Variants in FMN2 observed in about 807,000 individuals in gnomAD.
The protein encoded by FMN2 is formin 2.
Under a neutral mutation model 142.3 loss-of-function variants are expected in FMN2, and 51 were observed. The ratio of observed to expected loss-of-function variants is 0.36; its 90% CI spans 0.29 to 0.45. The LOEUF (loss-of-function observed/expected upper bound fraction) is 0.45. Ranked by LOEUF, FMN2 falls within the 20% of genes least tolerant of loss-of-function variation. The pLI, the probability that FMN2 is intolerant of heterozygous loss-of-function variation, is 1.00. For synonymous variants in FMN2, 882 were observed against 869.8 expected (o/e 1.01, Z -0.25); for missense variants, 1,936 against 2,122.8 (o/e 0.91, Z 1.73).
chr1:240,207,186 A>G lies in FMN2; in HGVS notation c.2374A>G (p.Arg792Gly), dbSNP rs768505363. Reference sequence around the variant, plus strand: ...AGAGATTTCTTTGATTGTGTCTCCAAGGCGAATATCAGTCCAGCTCGACAG... The same window carrying G: ...AGAGATTTCTTTGATTGTGTCTCCAGGGCGAATATCAGTCCAGCTCGACAG... ...CSEISLIVSPRRISVQLDSHQ... is the reference protein window; with the variant it reads ...CSEISLIVSPGRISVQLDSHQ... The change falls in exon 5 of 18, where the codon AGG becomes GGG. Residue 792 changes from arginine (R) to glycine (G), a missense_variant. Arg to Gly is a moderately radical substitution (Grantham distance 125). Coordinates refer to ENST00000319653, the MANE Select transcript of FMN2 (RefSeq NM_020066.5). The G allele has an allele frequency of 6.2e-7, 1 of 1,614,014 alleles. No homozygotes were observed. Among genetic ancestry groups the G allele is most frequent in the Non-Finnish European group, 8.5e-7 (1 of 1,179,948 alleles).
intron 14 of FMN2, among the ~76,000 whole-genome samples, chr1:240,363,977 G>C (rs751153338): frequency 6.6e-6 from 1 of 151,856 alleles, no homozygotes; most frequent in Admixed American, 6.6e-5. Context: ...GTAAATTTCT[G>C]GTGCACTAGT....
At chr1:240,368,099 A>C (rs959030672) in intron 14 of FMN2, among the ~76,000 whole-genome samples, 8 of 152,126 alleles carry the variant, frequency 5.3e-5, no homozygotes, top group African/African-American at 1.9e-4. Flanking sequence ...TATTTCCATT[A>C]TTTATCCTTA....
At chr1:240,354,302 G>C (rs1372915073) in intron 13 of FMN2, among the ~76,000 whole-genome samples, 1 of 152,152 alleles carries the variant, frequency 6.6e-6, no homozygotes, top group South Asian at 2.1e-4. Context: ...CTGAAGAATG[G>C]AGGCAAAAAC....
chr1:240,210,979 C>G, intron 5 of FMN2, 112 bp from the exon 6 acceptor site: 2 of 885,518 alleles, frequency 2.3e-6, no homozygotes, highest in Non-Finnish European at 3.3e-6. Flanking sequence ...CTTCTTTTTC[C>G]CTCCTTCCCT....
At chr1:240,358,511 T>A (rs1179018764) in intron 14 of FMN2, among the ~76,000 whole-genome samples, 1 of 152,176 alleles carries the variant, frequency 6.6e-6, no homozygotes, top group Admixed American at 6.5e-5. Context: ...GGGTAATTTA[T>A]AAAGAAAAGA....
intron 14 of FMN2, among the ~76,000 whole-genome samples, chr1:240,359,802 C>T (rs1672399673): frequency 6.6e-6 from 1 of 152,182 alleles, no homozygotes; most frequent in South Asian, 2.1e-4. Flanking sequence ...TGACGGCCAC[C>T]TGGCTTTATA....
At chr1:240,339,558 T>C (rs936107593) in intron 13 of FMN2, among the ~76,000 whole-genome samples, 18 of 152,102 alleles carry the variant, frequency 1.2e-4, no homozygotes, top group Admixed American at 2.6e-4. Flanking sequence ...AAAATATACA[T>C]ACAAAATTTA....
chr1:240,220,671 G>T (rs957319154), intron 6 of FMN2, among the ~76,000 whole-genome samples: 1 of 148,284 alleles, frequency 6.7e-6, no homozygotes, highest in African/African-American at 2.5e-5. Flanking sequence ...CTGTGTTTGT[G>T]TGTGTGTGTG....
chr1:240,132,544 G>A (rs1662781865), intron 2 of FMN2, among the ~76,000 whole-genome samples: 1 of 152,164 alleles, frequency 6.6e-6, no homozygotes, highest in African/African-American at 2.4e-5. Flanking sequence ...AGCTCAGGGT[G>A]TTGGCTGGGA....
Position 240,311,882 on chromosome 1 carries a change from G to A in FMN2, c.4215+16999G>A, listed in dbSNP as rs374500342. Among the ~76,000 whole-genome samples the A allele has an allele frequency of 2.8e-4, 43 of 152,342 alleles. No homozygotes were observed. The East Asian group carries it at 6.0e-3, about 21-fold the overall frequency. On this transcript the variant is annotated intron_variant, in intron 8 of 17. Transcript: ENST00000319653. ...GCTCTCTTGGCCAGGCTGGAGTGCA[G>A]TGGTGTGATCATAGCTCACTACAGC...
chr1:240,397,721 C>A (rs558453153), intron 15 of FMN2, among the ~76,000 whole-genome samples: 1 of 128,758 alleles, frequency 7.8e-6, no homozygotes, highest in Non-Finnish European at 1.6e-5. Flanking sequence ...ACCTGGGAGG[C>A]GGAGGTTGCA....
chr1:240,340,247 C>T (rs1671702057), intron 13 of FMN2, among the ~76,000 whole-genome samples: 1 of 152,088 alleles, frequency 6.6e-6, no homozygotes, highest in Non-Finnish European at 1.5e-5. Context: ...CTCCCCCCTC[C>T]ACATTTGATG....
intron 6 of FMN2, among the ~76,000 whole-genome samples, chr1:240,240,137 C>T (rs1667842936): frequency 6.6e-6 from 1 of 152,084 alleles, no homozygotes; most frequent in South Asian, 2.1e-4. Context: ...AATGAGGCAT[C>T]GTGTGTCTCA....
intron 7 of FMN2, among the ~76,000 whole-genome samples, chr1:240,278,777 G>A (rs1028675647): frequency 3.3e-5 from 5 of 152,228 alleles, no homozygotes; most frequent in African/African-American, 1.2e-4. Context: ...ATCTTTATAT[G>A]TATAAGTTGT....
chr1:240,417,372 A>G (rs1177842040), intron 15 of FMN2, among the ~76,000 whole-genome samples: 1 of 151,746 alleles, frequency 6.6e-6, no homozygotes, highest in African/African-American at 2.4e-5. Flanking sequence ...GTGCCATTCA[A>G]CTGAGGACAC....
chr1:240,450,834 A>G (rs1676010857), intron 16 of FMN2, among the ~76,000 whole-genome samples: 1 of 152,206 alleles, frequency 6.6e-6, no homozygotes, highest in Admixed American at 6.5e-5. Context: ...ATCCTGAAAG[A>G]TGCCACTTCT....
At chr1:240,245,130 C>T (rs1668035717) in intron 6 of FMN2, 2 of 202,556 alleles carry the variant, frequency 9.9e-6, no homozygotes, top group South Asian at 1.6e-4. Flanking sequence ...GTGGGAAGTA[C>T]AGGGATGTTC....
At position 240,199,099 on chromosome 1, in the gene FMN2, C is replaced by T. The variant is rs543281296; in HGVS notation, c.1987-7700C>T. Among the ~76,000 whole-genome samples, 345 of 144,690 alleles carry T rather than the reference C, an allele frequency of 2.4e-3. 1 individual carries two copies. The highest frequency in any genetic ancestry group is 8.7e-3 in the African/African-American group (326 of 37,488). 94.9% of individuals were successfully genotyped at this position (144,690 alleles called of 152,430 possible). A position where few individuals can be genotyped will look rare whatever the true frequency, so the allele number is the denominator to read the frequency against. On this transcript the variant is annotated intron_variant, in intron 4 of 17. Coordinates refer to ENST00000319653, the MANE Select transcript of FMN2 (RefSeq NM_020066.5). ...CAGCCTGGGTGACAGAGGGAGACTCCGTCTCAAAAAACAAACAAACAAAAA... is the reference window on the plus strand; with the variant it reads ...CAGCCTGGGTGACAGAGGGAGACTCTGTCTCAAAAAACAAACAAACAAAAA...
rs34741987 is a variant in FMN2 at position 240,113,557 on chromosome 1, C to CAAA, written c.1616-9602_1616-9600dup. Among the ~76,000 whole-genome samples, 796 of 87,608 alleles carry CAAA rather than the reference C, an allele frequency of 9.1e-3. 35 individuals carry two copies. Among genetic ancestry groups the CAAA allele is most frequent in the African/African-American group, 0.032 (682 of 21,004 alleles). 57.5% of individuals were successfully genotyped at this position (87,608 alleles called of 152,430 possible). A position where few individuals can be genotyped will look rare whatever the true frequency, so the allele number is the denominator to read the frequency against. Reference sequence around the variant, plus strand: ...TGGGGGACAGAGCAAGACTCCGTCTCAAAAAAAAAAAAAAAAAAAAAATAA... The same window carrying CAAA: ...TGGGGGACAGAGCAAGACTCCGTCTCAAAAAAAAAAAAAAAAAAAAAAAAATAA... On this transcript the variant is annotated intron_variant, in intron 1 of 17. Transcript: ENST00000319653.
Sources: gnomAD v4.1 joint callset for allele counts (sites outside exome capture counted in the v4.1 genomes callset) on GRCh38, gnomAD v4.1.1 for gene constraint, MANE v1.5 for transcripts, NCBI Gene and HGNC (gene_info 2026-07-23, HGNC 2026-07-21) for gene names.